GATAD2B: variants seen among roughly 807,000 people sequenced by gnomAD.
The protein encoded by GATAD2B is GATA zinc finger domain containing 2B, also known as transcriptional repressor p66-beta.
Under a neutral mutation model 64.3 loss-of-function variants are expected in GATAD2B, and 8 were observed. That is an observed-to-expected ratio of 0.12 (90% CI 0.07 to 0.22). The LOEUF is 0.22. Among genes scored for constraint, GATAD2B ranks in the 10% least tolerant of loss-of-function variants. GATAD2B has a pLI of 1.00. For synonymous variants in GATAD2B, 281 were observed against 271.3 expected (o/e 1.04, Z -0.35); for missense variants, 453 against 752.0 (o/e 0.60, Z 4.65).
intron 1 of GATAD2B, among the ~76,000 whole-genome samples, chr1:153,846,486 T>A (rs955544406): frequency 6.6e-6 from 1 of 151,254 alleles, no homozygotes; most frequent in Non-Finnish European, 1.5e-5. Flanking sequence ...GATCCTCCCA[T>A]CTCAGCCTCC....
At chr1:153,915,251 C>T (rs1056550529) in intron 1 of GATAD2B, among the ~76,000 whole-genome samples, 1 of 152,022 alleles carries the variant, frequency 6.6e-6, no homozygotes, top group African/African-American at 2.4e-5. Flanking sequence ...GTGGTGAAAC[C>T]CCGTTTCTAC....
At chr1:153,826,938 C>A (rs61056206) in intron 2 of GATAD2B, among the ~76,000 whole-genome samples, 3 of 138,146 alleles carry the variant, frequency 2.2e-5, no homozygotes, top group African/African-American at 5.9e-5. Flanking sequence ...GAGACCCTAT[C>A]TTAAAAAAAA....
At chr1:153,819,885 G>C in intron 2 of GATAD2B, 150 bp from the exon 3 acceptor site, 1 of 535,838 alleles carries the variant, frequency 1.9e-6, no homozygotes, top group Non-Finnish European at 3.2e-6. Flanking sequence ...GAACACCTGG[G>C]GTCAGGAGTT....
chr1:153,829,108 G>A (rs1390018158), intron 1 of GATAD2B, among the ~76,000 whole-genome samples: 1 of 152,092 alleles, frequency 6.6e-6, no homozygotes, highest in Non-Finnish European at 1.5e-5. Flanking sequence ...GGGAGGCTAA[G>A]GTGGGAGGAT....
chr1:153,830,474 A>AT (rs150473513), intron 1 of GATAD2B, among the ~76,000 whole-genome samples: 88,007 of 116,074 alleles, frequency 0.76, 31,224 homozygotes, highest in Non-Finnish European at 0.84. Context: ...ATTTTATTTT[A>AT]TTTATTTATT....
chr1:153,889,631 A>C, intron 1 of GATAD2B: 3 of 589,234 alleles, frequency 5.1e-6, no homozygotes, highest in Non-Finnish European at 6.4e-6. Context: ...ACAGCTGGCA[A>C]GAGGAAAGTT....
At chr1:153,815,293 C>CAAAAAAAAAAAAAAAAAAAAA (rs71093285) in intron 7 of GATAD2B, among the ~76,000 whole-genome samples, 8 of 111,806 alleles carry the variant, frequency 7.2e-5, no homozygotes, top group African/African-American at 1.0e-4. Flanking sequence ...AAAAAAAAAA[C>CAAAAAAAAAAAAAAAAAAAAA]AAAAAAAAAA....
chr1:153,813,144 T>C, intron 8 of GATAD2B, 106 bp downstream of exon 8: 1 of 789,416 alleles, frequency 1.3e-6, no homozygotes, highest in Admixed American at 1.8e-5. Context: ...AAAGGGAACC[T>C]GTGGACCTGT....
intron 1 of GATAD2B, among the ~76,000 whole-genome samples, chr1:153,882,240 T>C (rs1677032284): frequency 6.6e-6 from 1 of 152,126 alleles, no homozygotes; most frequent in Non-Finnish European, 1.5e-5. Flanking sequence ...CATGATGCTT[T>C]AACTGTTTAG....
At chr1:153,904,390 A>T (rs1000630342) in intron 1 of GATAD2B, among the ~76,000 whole-genome samples, 4 of 152,066 alleles carry the variant, frequency 2.6e-5, no homozygotes, top group African/African-American at 9.6e-5. Context: ...GTTTAAAACT[A>T]GGAAGTTAAA....
intron 1 of GATAD2B, among the ~76,000 whole-genome samples, chr1:153,864,302 T>A (rs1676406827): frequency 1.3e-5 from 2 of 152,210 alleles, no homozygotes; most frequent in African/African-American, 4.8e-5. Flanking sequence ...GAATGAATGC[T>A]GATTATCGGA....
At chr1:153,844,422 A>T (rs59340135) in intron 1 of GATAD2B, among the ~76,000 whole-genome samples, 38,657 of 135,246 alleles carry the variant, frequency 0.29, 5,371 homozygotes, top group Admixed American at 0.4. Context: ...AACAAATTAT[A>T]AAAAAAAAAA....
At chr1:153,915,011 C>T (rs1290863625) in intron 1 of GATAD2B, among the ~76,000 whole-genome samples, 5 of 152,168 alleles carry the variant, frequency 3.3e-5, no homozygotes, top group African/African-American at 1.2e-4. Context: ...ATAGCTGAGG[C>T]CAGGAGTCTG....
At chr1:153,859,684 A>AT (rs1570966474) in intron 1 of GATAD2B, among the ~76,000 whole-genome samples, 1 of 150,916 alleles carries the variant, frequency 6.6e-6, no homozygotes, top group Non-Finnish European at 1.5e-5. Flanking sequence ...AAAAATAATA[A>AT]AAAAAAAAAA....
intron 1 of GATAD2B, among the ~76,000 whole-genome samples, chr1:153,828,646 C>T (rs751277342): frequency 2.0e-5 from 3 of 151,346 alleles, no homozygotes; most frequent in Non-Finnish European, 4.4e-5. Context: ...TACATGGATA[C>T]AGATTGAAAA....
At chr1:153,886,067 T>C (rs890293941) in intron 1 of GATAD2B, among the ~76,000 whole-genome samples, 4 of 152,176 alleles carry the variant, frequency 2.6e-5, no homozygotes, top group Non-Finnish European at 4.4e-5. Context: ...GTAAACTTCA[T>C]AGAACCACTT....
intron 1 of GATAD2B, among the ~76,000 whole-genome samples, chr1:153,910,904 G>A (rs1678092328): frequency 6.6e-6 from 1 of 152,076 alleles, no homozygotes; most frequent in East Asian, 1.9e-4. Flanking sequence ...TTCTGACTTA[G>A]GCTATTTTCA....
At chr1:153,859,268 G>A (rs974299855) in intron 1 of GATAD2B, among the ~76,000 whole-genome samples, 2 of 151,840 alleles carry the variant, frequency 1.3e-5, no homozygotes, top group Non-Finnish European at 2.9e-5. Flanking sequence ...TCAGGAGGCT[G>A]GGGTGGGAGG....
intron 1 of GATAD2B, among the ~76,000 whole-genome samples, chr1:153,920,514 C>G (rs1262738894): frequency 2.6e-5 from 4 of 152,252 alleles, no homozygotes; most frequent in African/African-American, 9.6e-5. Flanking sequence ...GATCAGGGAA[C>G]CTGGTTAACA....
Sources: gnomAD v4.1 joint callset for allele counts (sites outside exome capture counted in the v4.1 genomes callset) on GRCh38, gnomAD v4.1.1 for gene constraint, MANE v1.5 for transcripts, NCBI Gene and HGNC (gene_info 2026-07-23, HGNC 2026-07-21) for gene names.